CIB4: variants seen among roughly 807,000 people sequenced by gnomAD.
CIB4 encodes calcium and integrin-binding family member 4.
Under a neutral mutation model 25.8 loss-of-function variants are expected in CIB4, and 25 were observed. The ratio of observed to expected loss-of-function variants is 0.97; its 90% CI spans 0.71 to 1.35. The LOEUF (loss-of-function observed/expected upper bound fraction) is 1.35. CIB4 is among the 40% of genes most tolerant of loss of function. CIB4 has a pLI of 0.00. For synonymous variants in CIB4, 75 were observed against 81.4 expected (o/e 0.92, Z 0.42); for missense variants, 235 against 228.2 (o/e 1.03, Z -0.19).
chr2:26,607,569 T>C (rs1439261013), intron 3 of CIB4, among the ~76,000 whole-genome samples: 3 of 152,238 alleles, frequency 2.0e-5, no homozygotes, highest in Non-Finnish European at 4.4e-5. Context: ...TCCCCATCTG[T>C]AAAATGGGTA....
chr2:26,608,898 G>T (rs771681049), intron 3 of CIB4, among the ~76,000 whole-genome samples: 1 of 151,934 alleles, frequency 6.6e-6, no homozygotes, highest in South Asian at 2.1e-4. Context: ...TTGCTCTCTC[G>T]TCGCTCATGG....
At chr2:26,620,650 T>C (rs1310460388) in intron 3 of CIB4, among the ~76,000 whole-genome samples, 1 of 152,172 alleles carries the variant, frequency 6.6e-6, no homozygotes, top group Non-Finnish European at 1.5e-5. Flanking sequence ...CAGATCGCCC[T>C]TCAGTGAAGC....
chr2:26,629,331 C>A, intron 3 of CIB4, 79 bp downstream of exon 3: 1 of 914,990 alleles, frequency 1.1e-6, no homozygotes, highest in South Asian at 1.4e-5. Context: ...CCACCTCACC[C>A]CACCCCTCCC....
chr2:26,593,306 ATGTG>A (rs142260376), intron 4 of CIB4, among the ~76,000 whole-genome samples: 2 of 147,514 alleles, frequency 1.4e-5, no homozygotes, highest in African/African-American at 2.6e-5. Context: ...ATGTAGAGAT[ATGTG>A]TGTGTGTGTG....
intron 3 of CIB4, among the ~76,000 whole-genome samples, chr2:26,616,190 C>T (rs73920307): frequency 1.1e-4 from 16 of 152,338 alleles, no homozygotes; most frequent in Admixed American, 2.6e-4. Flanking sequence ...CATCCCACAC[C>T]GTGCTGGGCA....
In CIB4 at chr2:26,605,659, G is replaced by C. The variant is rs1372408004; in HGVS notation, c.187-10342C>G. On this transcript the variant is annotated intron_variant, in intron 3 of 6. Transcript: ENST00000288861. ...GGCAGTGTTGGGTCAGCATCATTCA[G>C]TCAGTTCACAGACCCAACAAGTGAG... The C allele has an allele frequency of 9.4e-6, 4 of 427,352 alleles. No individual in the cohort carries two copies. In the East Asian group the frequency reaches 2.3e-4, roughly 24 times the overall value. 26.5% of individuals were successfully genotyped at this position (427,352 alleles called of 1,614,324 possible).
At chr2:26,603,559 C>T (rs922066050) in intron 3 of CIB4, among the ~76,000 whole-genome samples, 2 of 152,106 alleles carry the variant, frequency 1.3e-5, no homozygotes, top group Non-Finnish European at 2.9e-5. Context: ...AACAAAACAG[C>T]ATCCAAGAAC....
At chr2:26,614,662 G>A (rs1421003229) in intron 3 of CIB4, among the ~76,000 whole-genome samples, 1 of 152,178 alleles carries the variant, frequency 6.6e-6, no homozygotes, top group Non-Finnish European at 1.5e-5. Context: ...TGCCAAGTGG[G>A]GCTGATTATT....
At chr2:26,639,589 T>A (rs1449380379) in intron 2 of CIB4, among the ~76,000 whole-genome samples, 1 of 152,174 alleles carries the variant, frequency 6.6e-6, no homozygotes, top group Non-Finnish European at 1.5e-5. Context: ...TATTTTTCTA[T>A]ATTTAAAAAA....
At chr2:26,607,866 A>G (rs528567119) in intron 3 of CIB4, among the ~76,000 whole-genome samples, 1 of 152,306 alleles carries the variant, frequency 6.6e-6, no homozygotes, top group East Asian at 1.9e-4. Context: ...TCAGATGCTG[A>G]CTTTGGCCAG....
chr2:26,637,864 C>T lies in CIB4; in HGVS notation c.89+2669G>A, dbSNP rs891695014. 3.9e-5 allele frequency among the ~76,000 whole-genome samples: 6 copies of T among 152,302 alleles called. No individual in the cohort carries two copies. In the East Asian group the frequency reaches 1.2e-3, roughly 29 times the overall value. ...GAGGGCTCTCACTGGTATCACCTTC[C>T]CATTTGAGAGTTTCTGCACTGCTGT... On this transcript the variant is annotated intron_variant, in intron 2 of 6. Transcript: ENST00000288861.
intron 3 of CIB4, among the ~76,000 whole-genome samples, chr2:26,617,342 A>G (rs542336821): frequency 9.2e-5 from 14 of 152,290 alleles, no homozygotes; most frequent in African/African-American, 3.1e-4. Context: ...CAAAAATTCA[A>G]ACACCCTTAT....
Position 26,640,555 on chromosome 2 carries a change from G to C in CIB4, c.67C>G (p.Leu23Val), listed in dbSNP as rs1376429719. The C allele has an allele frequency of 1.2e-6, 2 of 1,613,040 alleles. No individual in the cohort carries two copies. The highest frequency in any genetic ancestry group is 1.7e-6 in the Non-Finnish European group (2 of 1,179,578). ...CACCACAGAATTTCATTTCTGGTCA[G>C]GAAGGTCAGGGCCTGCAACAAATCA... The part of the protein sequence containing the change: ...DLEEYQALTF[L>V]TRNEILCIHD... Residue 23 changes from leucine to valine, a missense_variant, in exon 2 of 7, where the codon CTG becomes GTG. Physicochemically the swap from Leu to Val is conservative, Grantham distance 32 (BLOSUM62 1). Transcript: ENST00000288861.
intron 4 of CIB4, among the ~76,000 whole-genome samples, chr2:26,593,383 T>TAC (rs771764624): frequency 6.6e-6 from 1 of 151,342 alleles, no homozygotes; most frequent in East Asian, 1.9e-4. Context: ...CGCACACATA[T>TAC]ACACACACAC....
intron 2 of CIB4, among the ~76,000 whole-genome samples, chr2:26,635,173 A>T (rs1669509013): frequency 6.6e-6 from 1 of 152,238 alleles, no homozygotes. Context: ...CTGAGATCAA[A>T]AACATGTGAA....
intron 3 of CIB4, chr2:26,623,390 C>A (rs1206696304): frequency 3.9e-6 from 1 of 255,718 alleles, no homozygotes; most frequent in Admixed American, 4.8e-5. Flanking sequence ...TTTAAAAATA[C>A]ACTACCATTC....
Position 26,583,873 on chromosome 2 carries a change from A to G in CIB4, c.354T>C (p.Asp118=), listed in dbSNP as rs771057287. 1.9e-6 allele frequency: 3 copies of G among 1,612,374 alleles called. No individual in the cohort carries two copies. In the South Asian group the frequency reaches 3.3e-5, roughly 18 times the overall value. ...GGATGATCCTCTGCAGATCCTCCTC[A>G]TCAATGAAGCCATTCTCATTAAAAT... is the stretch of plus-strand genomic sequence containing the variant. The part of the protein sequence containing the change: ...IYDFNENGFI[D]EEDLQRIILR... The change falls in exon 5 of 7, where the codon GAT becomes GAC. Residue 118 remains aspartate (D), a synonymous_variant. Transcript: ENST00000288861.
chr2:26,589,018 T>TTCC, intron 4 of CIB4, among the ~76,000 whole-genome samples: 1 of 28,344 alleles, frequency 3.5e-5, no homozygotes, highest in South Asian at 1.6e-3. Flanking sequence ...CTTCTTCTTC[T>TTCC]TCTTCTTCTT....
rs532046099 is a variant in CIB4 at position 26,640,446 on chromosome 2, G to C, written c.89+87C>G. The stretch of plus-strand genomic sequence containing the variant: ...TGGCTCTGAGCAGGGACCACACTCA[G>C]GGACCAGCGTGAGGCTGTATTAGGG... On this transcript the variant is annotated intron_variant, in intron 2 of 6. Transcript: ENST00000288861. 143 of 1,415,828 alleles carry C rather than the reference G, an allele frequency of 1.0e-4. 1 individual carries two copies. The highest frequency in any genetic ancestry group is 1.4e-4 in the Non-Finnish European group (138 of 1,017,354). The allele number at this position is 1,415,828 out of a possible 1,614,324, so 87.7% of individuals were successfully genotyped here.
Sources: gnomAD v4.1 joint callset for allele counts (sites outside exome capture counted in the v4.1 genomes callset) on GRCh38, gnomAD v4.1.1 for gene constraint, MANE v1.5 for transcripts, NCBI Gene and HGNC (gene_info 2026-07-23, HGNC 2026-07-21) for gene names.